EMC1: variants seen among roughly 807,000 people sequenced by gnomAD.
EMC1 encodes KIAA0090.
A neutral mutation model predicts 128.8 loss-of-function variants in EMC1; 103 were observed. The observed-to-expected ratio is 0.80, with a 90% confidence interval of 0.68 to 0.94. The LOEUF (loss-of-function observed/expected upper bound fraction) is 0.94, where lower values mean the gene tolerates loss of function less well. Among genes scored for constraint, EMC1 ranks in the 40% least tolerant of loss-of-function variants. The pLI is 0.00. For synonymous variants in EMC1, 442 were observed against 490.4 expected (o/e 0.90, Z 1.30); for missense variants, 1,083 against 1,250.6 (o/e 0.87, Z 2.02).
chr1:19,233,187 G>A (rs1311426161), intron 13 of EMC1, 52 bp from the exon 14 acceptor site: 2 of 1,496,266 alleles, frequency 1.3e-6, no homozygotes, highest in South Asian at 2.4e-5. Flanking sequence ...GGTCCATAAG[G>A]AGGTACATGA....
intron 15 of EMC1, among the ~76,000 whole-genome samples, chr1:19,232,384 T>C (rs548299988): frequency 6.6e-6 from 1 of 152,242 alleles, no homozygotes; most frequent in South Asian, 2.1e-4. Flanking sequence ...CAGCCAATGT[T>C]TAGAAAAGAG....
At chr1:19,228,810 C>T (rs1252685087) in intron 17 of EMC1, among the ~76,000 whole-genome samples, 3 of 151,992 alleles carry the variant, frequency 2.0e-5, no homozygotes, top group Admixed American at 2.0e-4. Flanking sequence ...CCAGCACTTT[C>T]GGAGCCCGAG....
At chr1:19,228,506 G>A (rs2093495158) in intron 17 of EMC1, among the ~76,000 whole-genome samples, 1 of 152,154 alleles carries the variant, frequency 6.6e-6, no homozygotes, top group African/African-American at 2.4e-5. Context: ...ACAGGAGGTA[G>A]TTACTGGCAA....
chr1:19,231,029 AT>A lies in EMC1; in HGVS notation c.1945-67del. 3.1e-6 allele frequency: 5 copies of A among 1,587,348 alleles called. No individual in the cohort carries two copies. The East Asian group carries it at 1.1e-4, about 36-fold the overall frequency. ...TTCCCCATCAAAGAGAGCCTTAAGAATAAAACTGCAAATCAGTTGATTTGAA... is the reference window on the plus strand; with the variant it reads ...TTCCCCATCAAAGAGAGCCTTAAGAAAAAACTGCAAATCAGTTGATTTGAA... On this transcript the variant is annotated intron_variant, in intron 16 of 22. Transcript: ENST00000477853.
At chr1:19,224,627 C>A (rs1266039685) in intron 18 of EMC1, among the ~76,000 whole-genome samples, 1 of 152,210 alleles carries the variant, frequency 6.6e-6, no homozygotes, top group African/African-American at 2.4e-5. Flanking sequence ...CTGGATGACC[C>A]CACAGCCTAA....
chr1:19,248,806 C>T (rs887197555), intron 1 of EMC1, among the ~76,000 whole-genome samples: 2 of 152,014 alleles, frequency 1.3e-5, no homozygotes, highest in African/African-American at 2.4e-5. Flanking sequence ...CCACTGCGCC[C>T]GGCCTGTGTC....
In EMC1 at chr1:19,232,976, T is replaced by C. The variant is rs750018597; in HGVS notation, c.1592A>G (p.Asn531Ser). 2 of 1,614,016 alleles carry C rather than the reference T, an allele frequency of 1.2e-6. No homozygotes were observed. Among genetic ancestry groups the C allele is most frequent in the South Asian group, 1.1e-5 (1 of 91,086 alleles). The change falls in exon 14 of 23, where the codon AAC becomes AGC. Residue 531 changes from asparagine to serine, a missense_variant. Physicochemically the swap from Asn to Ser is conservative, Grantham distance 46. Transcript: ENST00000477853. ...TACCATCACCATCATCTTCTGGAGGTTGAATTCATCTCTGGCCAGGGTGTC... is the reference window on the plus strand; with the variant it reads ...TACCATCACCATCATCTTCTGGAGGCTGAATTCATCTCTGGCCAGGGTGTC... ...NIDTLARDEFNLQKMMVMVTA... is the reference protein window; with the variant it reads ...NIDTLARDEFSLQKMMVMVTA...
At chr1:19,228,118 T>C (rs926482014) in intron 17 of EMC1, among the ~76,000 whole-genome samples, 11 of 146,760 alleles carry the variant, frequency 7.5e-5, no homozygotes, top group African/African-American at 1.8e-4. Context: ...GGCAAGAGAA[T>C]CACTTGAACC....
At chr1:19,241,274 T>A (rs2093603895) in intron 5 of EMC1, 132 bp from the exon 6 acceptor site, 1 of 970,134 alleles carries the variant, frequency 1.0e-6, no homozygotes, top group African/African-American at 1.6e-5. Context: ...CTCACACAGT[T>A]TGGGGGCTTT....
intron 4 of EMC1, among the ~76,000 whole-genome samples, chr1:19,243,062 C>T (rs562721461): frequency 1.3e-5 from 2 of 152,058 alleles, no homozygotes; most frequent in African/African-American, 4.8e-5. Context: ...ATGGTGAAAC[C>T]CCGTCTCTAC....
intron 10 of EMC1, 67 bp downstream of exon 10, chr1:19,238,728 C>T (rs2093584685): frequency 9.3e-7 from 1 of 1,080,778 alleles, no homozygotes; most frequent in Non-Finnish European, 1.4e-6. Context: ...CAAAGCTCTT[C>T]CCCCAACTCT....
chr1:19,223,344 G>A (rs2093446449), intron 19 of EMC1, 52 bp downstream of exon 19: 5 of 1,524,096 alleles, frequency 3.3e-6, no homozygotes, highest in Non-Finnish European at 3.6e-6. Flanking sequence ...AAGGACTCAG[G>A]AGGCAGGGAG....
At chr1:19,249,125 TG>T (rs1558117085) in intron 1 of EMC1, among the ~76,000 whole-genome samples, 1 of 152,210 alleles carries the variant, frequency 6.6e-6, no homozygotes, top group South Asian at 2.1e-4. Context: ...ATAAAATGTT[TG>T]TAAAGTAAAA....
chr1:19,225,223 CT>C (rs1171728859), intron 18 of EMC1, among the ~76,000 whole-genome samples: 1 of 152,254 alleles, frequency 6.6e-6, no homozygotes, highest in African/African-American at 2.4e-5. Context: ...CACTCAAAAA[CT>C]GCTTGCTGCT....
At chr1:19,223,627 C>T (rs1558092974) in intron 18 of EMC1, 58 bp from the exon 19 acceptor site, 1 of 1,550,276 alleles carries the variant, frequency 6.5e-7, no homozygotes, top group Non-Finnish European at 8.8e-7. Context: ...ACACTCCATT[C>T]CTGTGCTGTG....
At chr1:19,241,486 A>G (rs956434314) in intron 5 of EMC1, among the ~76,000 whole-genome samples, 1 of 152,106 alleles carries the variant, frequency 6.6e-6, no homozygotes. Flanking sequence ...TTGCTCATGG[A>G]TATTTCATAA....
chr1:19,233,120 A>T lies in EMC1; in HGVS notation c.1448T>A (p.Met483Lys). 6.2e-7 allele frequency: 1 copy of T among 1,614,062 alleles called. No homozygotes were observed. Among genetic ancestry groups the T allele is most frequent in the Non-Finnish European group, 8.5e-7 (1 of 1,179,940 alleles). The change falls in exon 14 of 23, where the codon ATG (methionine) becomes AAG (lysine). Residue 483 changes from methionine to lysine, a missense_variant. By Grantham distance (95) the Met-to-Lys change is moderately conservative (BLOSUM62 -1). Coordinates refer to ENST00000477853, the MANE Select transcript of EMC1 (RefSeq NM_015047.3). ...CTGAGACGAGAGGCGTTTCAGGAACATCCCCAGCAAGCCATCTGGTGTAAA... is the reference window on the plus strand; with the variant it reads ...CTGAGACGAGAGGCGTTTCAGGAACTTCCCCAGCAAGCCATCTGGTGTAAA... The part of the protein sequence containing the change: ...FGKKADGLLG[M>K]FLKRLSSQLI...
At chr1:19,251,311 C>T in intron 1 of EMC1, 104 bp downstream of exon 1, 1 of 1,097,178 alleles carries the variant, frequency 9.1e-7, no homozygotes, top group South Asian at 1.3e-5. Flanking sequence ...CTGGGTCCTG[C>T]AAATTATGCG....
Position 19,218,948 on chromosome 1 carries a change from T to C in EMC1, c.*355A>G, listed in dbSNP as rs1023230969. 1 of 180,416 alleles carries C rather than the reference T, an allele frequency of 5.5e-6. No individual in the cohort carries two copies. The highest frequency in any genetic ancestry group is 1.2e-5 in the Non-Finnish European group (1 of 85,548). 11.2% of individuals were successfully genotyped at this position (180,416 alleles called of 1,614,324 possible). On this transcript the variant is annotated 3_prime_UTR_variant, in exon 23 of 23. Coordinates refer to ENST00000477853, the MANE Select transcript of EMC1 (RefSeq NM_015047.3). ...AACACAAAAGGCAAAGTAAAGTCAA[T>C]TTAAACAGGCCTCACAAAAATCAGC...
Sources: allele counts gnomAD v4.1 joint callset (sites outside exome capture counted in the v4.1 genomes callset), GRCh38; gene constraint gnomAD v4.1.1; transcripts MANE v1.5; gene names NCBI Gene and HGNC (gene_info 2026-07-23, HGNC 2026-07-21).